The following IQGAP3 variants were observed in gnomAD, a reference collection of about 807,000 sequenced individuals.
IQGAP3 encodes ras GTPase-activating-like protein IQGAP3.
Under a neutral mutation model 208.2 loss-of-function variants are expected in IQGAP3, and 165 were observed. That is an observed-to-expected ratio of 0.79 (90% CI 0.70 to 0.90). The LOEUF (loss-of-function observed/expected upper bound fraction) is 0.90. Among genes scored for constraint, IQGAP3 ranks in the 40% least tolerant of loss-of-function variants. The probability of loss-of-function intolerance (pLI) is 0.00; values close to 1 mark genes in which losing one functional copy is unlikely to be tolerated. For missense variants in IQGAP3, 1,811 were observed against 2,043.1 expected, an observed-to-expected ratio of 0.89 and a Z score of 2.19; for synonymous variants, 703 against 803.6, an observed-to-expected ratio of 0.87 and a Z score of 2.12.
intron 29 of IQGAP3, 114 bp from the exon 30 acceptor site, chr1:156,534,255 C>G: frequency 6.7e-7 from 1 of 1,492,006 alleles, no homozygotes; most frequent in African/African-American, 1.4e-5. Flanking sequence ...TTTGGACTCT[C>G]CAGTCTCAGC....
chr1:156,538,878 A>G lies in IQGAP3; in HGVS notation c.3212T>C (p.Val1071Ala), dbSNP rs757172035. The G allele has an allele frequency of 6.2e-7, 1 of 1,614,130 alleles. No homozygotes were observed. The highest frequency in any genetic ancestry group is 8.5e-7 in the Non-Finnish European group (1 of 1,180,018). ...ATAGAGGTGGACAGGGTCTGTGTGG[A>G]CGCTGAGCACTTTGTCTTCTAGCAC... The part of the protein sequence containing the change: ...QDVLEDKVLS[V>A]HTDPVHLYKN... Residue 1071 changes from valine to alanine, a missense_variant, in exon 26 of 38, where the codon GTC becomes GCC. Val to Ala is a moderately conservative substitution (Grantham distance 64, BLOSUM62 0). Transcript: ENST00000361170.
chr1:156,529,103 G>A, intron 34 of IQGAP3, 21 bp from the exon 35 acceptor site: 1 of 1,612,942 alleles, frequency 6.2e-7, no homozygotes, highest in South Asian at 1.1e-5. Flanking sequence ...GGAACAGATG[G>A]AGGGATGAGT....
rs1465914767 is a variant in IQGAP3 at position 156,561,859 on chromosome 1, T to G, written c.1020A>C (p.Ser340=). Residue 340 remains serine (S), a synonymous_variant, in exon 10 of 38, where the codon TCA becomes TCC. Coordinates refer to ENST00000361170, the MANE Select transcript of IQGAP3 (RefSeq NM_178229.5). The stretch of plus-strand genomic sequence containing the variant: ...TAACCTGTGCCTTCTGCTCTCTGTC[T>G]GAGTTCAGCTGCTCCAGGTACCAGT... ...FADWYLEQLN[S]DREQKAQELG... The G allele has an allele frequency of 6.2e-7, 1 of 1,614,132 alleles. No individual in the cohort carries two copies. The highest frequency in any genetic ancestry group is 1.7e-5 in the Admixed American group (1 of 60,020).
Position 156,572,516 on chromosome 1 carries a change from G to A in IQGAP3, c.14C>T (p.Ala5Val), listed in dbSNP as rs932935898. MERRAAGPGWAAYER... is the reference protein window; with the variant it reads MERRVAGPGWAAYER... ...ACAGGCTGCCCAGCCTGGGCCCGCT[G>A]CTCTCCTCTCCATGTTCCTCCTTCT... Residue 5 changes from alanine (A) to valine (V), a missense_variant, in exon 1 of 38, where the codon GCA (alanine) becomes GTA (valine). Physicochemically the swap from Ala to Val is moderately conservative, Grantham distance 64 (BLOSUM62 0). Coordinates refer to ENST00000361170, the MANE Select transcript of IQGAP3 (RefSeq NM_178229.5). 10 of 1,612,182 alleles carry A rather than the reference G, an allele frequency of 6.2e-6. No homozygotes were observed. The South Asian group carries it at 9.9e-5, about 16-fold the overall frequency.
At chr1:156,560,005 A>G (rs1329164495) in intron 11 of IQGAP3, among the ~76,000 whole-genome samples, 19 of 152,194 alleles carry the variant, frequency 1.2e-4, no homozygotes, top group Non-Finnish European at 2.4e-4. Context: ...ACTGAAAGCT[A>G]GTGAATGTCG....
intron 11 of IQGAP3, among the ~76,000 whole-genome samples, chr1:156,560,578 G>A (rs1041892580): frequency 6.6e-6 from 1 of 152,196 alleles, no homozygotes; most frequent in African/African-American, 2.4e-5. Flanking sequence ...AAACTGAGAA[G>A]ATGAGTTTTT....
chr1:156,560,925 A>G lies in IQGAP3; in HGVS notation c.1129+9T>C, dbSNP rs780602205. ...CACAGAGCAGGCCTCAGACCTGCAG[A>G]TGACTTACTGGCTTGTTCCTGATCA... is the stretch of plus-strand genomic sequence containing the variant. On this transcript the variant is annotated intron_variant, in intron 11 of 37. Transcript: ENST00000361170. The G allele has an allele frequency of 1.2e-6, 2 of 1,603,910 alleles. No individual in the cohort carries two copies. The highest frequency in any genetic ancestry group is 2.2e-5 in the East Asian group (1 of 44,852).
At chr1:156,557,601 G>A (rs1253811942) in intron 11 of IQGAP3, among the ~76,000 whole-genome samples, 26 of 67,770 alleles carry the variant, frequency 3.8e-4, no homozygotes, top group Admixed American at 7.4e-4. Flanking sequence ...CGCCCCATCC[G>A]GGAGGGAGGT....
At chr1:156,528,154 G>A (rs771727130) in intron 36 of IQGAP3, 94 bp from the exon 37 acceptor site, 176 of 933,620 alleles carry the variant, frequency 1.9e-4, no homozygotes, top group Non-Finnish European at 2.9e-4. Flanking sequence ...CTGGGCAGCG[G>A]TGTCATCCAG....
In IQGAP3 at chr1:156,544,482, A is replaced by G. The variant is rs373851830; in HGVS notation, c.2305-10T>C. 1.1e-5 allele frequency: 17 copies of G among 1,610,438 alleles called. No homozygotes were observed. Among genetic ancestry groups the G allele is most frequent in the Non-Finnish European group, 1.4e-5 (16 of 1,176,714 alleles). ...AACCCCGCCAATGAGCCTGCACATC[A>G]GGAGAGAAAGGGAAGTAACTCAAGC... On this transcript the variant is annotated splice_polypyrimidine_tract_variant and intron_variant, in intron 19 of 37. Coordinates refer to ENST00000361170, the MANE Select transcript of IQGAP3 (RefSeq NM_178229.5).
rs1429028042 is a variant in IQGAP3 at position 156,569,364 on chromosome 1, G to C, written c.125+12C>G. The C allele has an allele frequency of 2.5e-6, 4 of 1,596,122 alleles. No homozygotes were observed. The highest frequency in any genetic ancestry group is 1.7e-4 in the Middle Eastern group (1 of 5,900). On this transcript the variant is annotated intron_variant, in intron 2 of 37. Transcript: ENST00000361170. ...AGAGCAGAAAGAGTCCATCTTCCTG[G>C]ACTCCGCTCACCGCTTGGCCTCCTC...
chr1:156,539,323 G>A (rs781106040), intron 25 of IQGAP3, 51 bp downstream of exon 25: 20 of 1,553,042 alleles, frequency 1.3e-5, no homozygotes, highest in Non-Finnish European at 1.8e-5. Context: ...AGCCAACAGG[G>A]GGATCTCTTA....
intron 22 of IQGAP3, among the ~76,000 whole-genome samples, chr1:156,542,671 G>T (rs1675043229): frequency 6.6e-6 from 1 of 152,200 alleles, no homozygotes; most frequent in African/African-American, 2.4e-5. Flanking sequence ...TGGGTGTGGT[G>T]GTTCATGACT....
At chr1:156,543,494 A>G (rs1043105024) in intron 22 of IQGAP3, among the ~76,000 whole-genome samples, 1 of 152,218 alleles carries the variant, frequency 6.6e-6, no homozygotes, top group African/African-American at 2.4e-5. Flanking sequence ...CTGAACTTGA[A>G]GAACAAGAGC....
intron 31 of IQGAP3, 102 bp downstream of exon 31, chr1:156,533,671 G>C (rs889144146): frequency 1.1e-5 from 10 of 879,620 alleles, no homozygotes; most frequent in African/African-American, 8.3e-5. Context: ...CCTGGCACAA[G>C]ACCTAGGCTG....
At chr1:156,566,167 C>T in intron 3 of IQGAP3, 63 bp from the exon 4 acceptor site, 1 of 1,460,590 alleles carries the variant, frequency 6.8e-7, no homozygotes, top group Non-Finnish European at 9.6e-7. Context: ...TGGGTAAAGC[C>T]CAGACTACAG....
intron 2 of IQGAP3, among the ~76,000 whole-genome samples, chr1:156,567,059 G>A (rs1676440654): frequency 6.6e-6 from 1 of 151,946 alleles, no homozygotes; most frequent in South Asian, 2.1e-4. Context: ...TAGAGATAGG[G>A]TTTCTCCATG....
chr1:156,527,311 C>A (rs1467518078), intron 37 of IQGAP3, among the ~76,000 whole-genome samples: 1 of 151,620 alleles, frequency 6.6e-6, no homozygotes, highest in Non-Finnish European at 1.5e-5. Flanking sequence ...GAAACCCCAT[C>A]TCTACTAAAA....
Position 156,554,363 on chromosome 1 carries a change from A to T in IQGAP3, c.1320T>A (p.Ala440=). The T allele has an allele frequency of 1.2e-6, 2 of 1,609,456 alleles. No homozygotes were observed. The highest frequency in any genetic ancestry group is 1.7e-6 in the Non-Finnish European group (2 of 1,178,578). Residue 440 remains alanine, a synonymous_variant, in exon 13 of 38, where the codon GCT becomes GCA. Transcript: ENST00000361170. ...GGACCACAGCTGAGAGCATCTCCAC[A>T]GCCACGAAGAGCTCCTCCTGGCCAA... ...GELGQEELFV[A]VEMLSAVVLI... is the part of the protein sequence containing the mutation.
Sources: gnomAD v4.1 joint callset for allele counts (sites outside exome capture counted in the v4.1 genomes callset) on GRCh38, gnomAD v4.1.1 for gene constraint, MANE v1.5 for transcripts, NCBI Gene and HGNC (gene_info 2026-07-23, HGNC 2026-07-21) for gene names.